The following SETD5 variants were observed in gnomAD, a reference collection of about 807,000 sequenced individuals.
The protein encoded by SETD5 is histone-lysine N-methyltransferase SETD5.
SETD5 carries 44 observed loss-of-function variants against 153.3 expected under a neutral mutation model. The observed-to-expected ratio is 0.29, with a 90% CI of 0.23 to 0.37. The LOEUF is 0.37. Among genes scored for constraint, SETD5 ranks in the 10% least tolerant of loss-of-function variants. The pLI is 1.00. For missense variants in SETD5, 1,544 were observed against 1,768.0 expected, an observed-to-expected ratio of 0.87 and a Z score of 2.27; for synonymous variants, 716 against 645.2, an observed-to-expected ratio of 1.11 and a Z score of -1.66.
At chr3:9,443,218 C>G (rs1009355613) in intron 10 of SETD5, 90 bp from the exon 11 acceptor site, 2 of 915,548 alleles carry the variant, frequency 2.2e-6, no homozygotes, top group South Asian at 1.4e-5. Context: ...ATTACCATAA[C>G]TCCAAATGGA....
intron 18 of SETD5, 76 bp from the exon 19 acceptor site, chr3:9,470,383 C>A: frequency 9.3e-7 from 1 of 1,075,450 alleles, no homozygotes; most frequent in African/African-American, 1.6e-5. Flanking sequence ...ACCTGTGTCC[C>A]TCTCCCCTCC....
intron 18 of SETD5, among the ~76,000 whole-genome samples, 169 bp from the exon 19 acceptor site, chr3:9,470,290 T>C (rs2045150872): frequency 6.6e-6 from 1 of 152,236 alleles, no homozygotes; most frequent in African/African-American, 2.4e-5. Context: ...CTCTGGCCCA[T>C]GTACACTGTT....
intron 19 of SETD5, among the ~76,000 whole-genome samples, chr3:9,472,197 C>T (rs1318845410): frequency 6.6e-6 from 1 of 152,300 alleles, no homozygotes. Flanking sequence ...AGAAACACTT[C>T]TGAAATTTAT....
At position 9,441,835 on chromosome 3, in the gene SETD5, G is replaced by A; in HGVS notation, c.959+94G>A. On this transcript the variant is annotated intron_variant, in intron 9 of 22. Transcript: ENST00000402198. The stretch of plus-strand genomic sequence containing the variant: ...CATTCTGTTTGATAAGACGCTCTTG[G>A]GAGAAAAAAATCACAACTCAGATAA... The A allele has an allele frequency of 4.0e-6, 6 of 1,504,860 alleles. No individual in the cohort carries two copies. The South Asian group carries it at 5.8e-5, about 15-fold the overall frequency. 93.2% of individuals were successfully genotyped at this position (1,504,860 alleles called of 1,614,324 possible).
chr3:9,405,326 G>T (rs963469690), intron 1 of SETD5, among the ~76,000 whole-genome samples: 1 of 152,166 alleles, frequency 6.6e-6, no homozygotes, highest in South Asian at 2.1e-4. Context: ...ATACTAATTT[G>T]TATAAATCTG....
intron 16 of SETD5, among the ~76,000 whole-genome samples, chr3:9,450,329 A>G (rs966890855): frequency 2.0e-5 from 3 of 152,168 alleles, no homozygotes; most frequent in Admixed American, 6.5e-5. Context: ...ACTTTTATCT[A>G]TGTGTCATGG....
At position 9,440,499 on chromosome 3, in the gene SETD5, A is replaced by C; in HGVS notation, c.611A>C (p.Glu204Ala). 1 of 1,606,678 alleles carries C rather than the reference A, an allele frequency of 6.2e-7. No homozygotes were observed. Among genetic ancestry groups the C allele is most frequent in the Non-Finnish European group, 8.5e-7 (1 of 1,173,284 alleles). Residue 204 changes from glutamate (E) to alanine (A), a missense_variant, in exon 8 of 23, where the codon GAG (glutamate) becomes GCG (alanine). Glu to Ala is a moderately radical substitution (Grantham distance 107, BLOSUM62 -1). This residue lies in a region of SETD5 where 251 missense variants were observed against 326.9 expected (regional missense o/e 0.77). Transcript: ENST00000402198. The stretch of plus-strand genomic sequence containing the variant: ...CAGAATTTAGATGAGAATACAACTG[A>C]GGGCTGGGAAAATCGGATAAGACTA... Reference protein sequence around the residue: ...EAQNLDENTTEGWENRIRLWT... With the variant: ...EAQNLDENTTAGWENRIRLWT...
At chr3:9,445,801 C>G in intron 13 of SETD5, 61 bp downstream of exon 13, 1 of 1,166,850 alleles carries the variant, frequency 8.6e-7, no homozygotes, top group Non-Finnish European at 1.2e-6. Flanking sequence ...TCATGTGAAC[C>G]TCTTCTGTTC....
intron 17 of SETD5, among the ~76,000 whole-genome samples, chr3:9,463,624 A>G (rs1314740318): frequency 6.6e-6 from 1 of 152,210 alleles, no homozygotes; most frequent in Non-Finnish European, 1.5e-5. Flanking sequence ...AAGTTTTTGT[A>G]GAAATCATTT....
At chr3:9,435,243 C>CAAAA (rs5846637) in intron 6 of SETD5, among the ~76,000 whole-genome samples, 6 of 80,166 alleles carry the variant, frequency 7.5e-5, no homozygotes, top group Non-Finnish European at 1.1e-4. Context: ...AACTCCCTCT[C>CAAAA]AAAAAAAAAA....
At chr3:9,466,103 G>A (rs972262083) in intron 18 of SETD5, among the ~76,000 whole-genome samples, 6 of 151,884 alleles carry the variant, frequency 4.0e-5, no homozygotes, top group Non-Finnish European at 7.4e-5. Flanking sequence ...CCTGGCTAAC[G>A]TGGTGAAACC....
At chr3:9,439,567 TC>T (rs1016576783) in intron 7 of SETD5, among the ~76,000 whole-genome samples, 1 of 152,226 alleles carries the variant, frequency 6.6e-6, no homozygotes, top group African/African-American at 2.4e-5. Flanking sequence ...TGTTTTGTTT[TC>T]TGATGGCACT....
At chr3:9,403,595 T>C (rs2035179521) in intron 1 of SETD5, among the ~76,000 whole-genome samples, 1 of 152,252 alleles carries the variant, frequency 6.6e-6, no homozygotes, top group Non-Finnish European at 1.5e-5. Context: ...GGCTACTTTT[T>C]AATTTCAGCC....
chr3:9,458,518 G>A (rs1441713489), intron 17 of SETD5, among the ~76,000 whole-genome samples: 1 of 152,172 alleles, frequency 6.6e-6, no homozygotes, highest in Non-Finnish European at 1.5e-5. Context: ...GCTGAAGTAG[G>A]AGGATGACTT....
chr3:9,441,936 T>G (rs1305261840), intron 9 of SETD5, among the ~76,000 whole-genome samples, 192 bp from the exon 10 acceptor site: 1 of 152,244 alleles, frequency 6.6e-6, no homozygotes, highest in Non-Finnish European at 1.5e-5. Flanking sequence ...TGGTGACACC[T>G]CCTTTCCAAG....
intron 1 of SETD5, among the ~76,000 whole-genome samples, chr3:9,414,815 AT>A (rs558115357): frequency 1.6e-3 from 229 of 147,492 alleles, no homozygotes; most frequent in Admixed American, 3.9e-3. Context: ...TGGAGCATGG[AT>A]TTTTTTTTTT....
At chr3:9,465,110 GTTGTTTGGTATTTTCA>G (rs1386557650) in intron 18 of SETD5, among the ~76,000 whole-genome samples, 4 of 152,262 alleles carry the variant, frequency 2.6e-5, no homozygotes, top group African/African-American at 9.6e-5. Context: ...TCTTTCCCAG[GTTGTTTGGTATTTTCA>G]TTGTGGCCTT....
At chr3:9,411,825 C>T (rs2036611671) in intron 1 of SETD5, among the ~76,000 whole-genome samples, 1 of 152,108 alleles carries the variant, frequency 6.6e-6, no homozygotes, top group African/African-American at 2.4e-5. Flanking sequence ...ATTTTCAATA[C>T]TTCATTGGTT....
At chr3:9,415,574 T>TTTA (rs780067883) in intron 1 of SETD5, among the ~76,000 whole-genome samples, 27 of 152,236 alleles carry the variant, frequency 1.8e-4, no homozygotes, top group Non-Finnish European at 3.5e-4. Flanking sequence ...TTGCTGTTAT[T>TTTA]TTATTATTAT....
Sources: allele counts gnomAD v4.1 joint callset (sites outside exome capture counted in the v4.1 genomes callset), GRCh38; gene constraint gnomAD v4.1.1; regional missense constraint gnomAD v4.1.1; transcripts MANE v1.5; gene names NCBI Gene and HGNC (gene_info 2026-07-23, HGNC 2026-07-21).